The following ZFAND3 variants were observed in gnomAD, a reference collection of about 807,000 sequenced individuals.
The protein encoded by ZFAND3 is zinc finger AN1-type containing 3, also known as AN1-type zinc finger protein 3.
ZFAND3 carries 10 observed loss-of-function variants against 29.6 expected under a neutral mutation model. The observed-to-expected ratio is 0.34, with a 90% CI of 0.21 to 0.57. The LOEUF (loss-of-function observed/expected upper bound fraction) is 0.57. Ranked by LOEUF, ZFAND3 falls within the 20% of genes least tolerant of loss-of-function variation. The pLI is 0.86. For synonymous variants in ZFAND3, 128 were observed against 112.6 expected (o/e 1.14, Z -0.87); for missense variants, 230 against 304.5 (o/e 0.76, Z 1.82).
At chr6:37,945,520 C>G (rs551648178) in intron 2 of ZFAND3, among the ~76,000 whole-genome samples, 1 of 152,172 alleles carries the variant, frequency 6.6e-6, no homozygotes, top group Admixed American at 6.5e-5. Flanking sequence ...TTCAGCCTCC[C>G]TGCACCACCA....
intron 5 of ZFAND3, among the ~76,000 whole-genome samples, chr6:38,120,544 T>C (rs1765514251): frequency 6.6e-6 from 1 of 151,982 alleles, no homozygotes; most frequent in African/African-American, 2.4e-5. Flanking sequence ...CAGGCTGGTC[T>C]TGAACTCCTG....
intron 1 of ZFAND3, among the ~76,000 whole-genome samples, chr6:37,927,141 A>G (rs1415987404): frequency 1.3e-5 from 2 of 152,248 alleles, no homozygotes; most frequent in Non-Finnish European, 2.9e-5. Flanking sequence ...TTTAGGTAAT[A>G]CATAGGTATG....
intron 2 of ZFAND3, among the ~76,000 whole-genome samples, chr6:37,986,430 A>G (rs2127434250): frequency 6.6e-6 from 1 of 152,314 alleles, no homozygotes; most frequent in East Asian, 1.9e-4. Flanking sequence ...TGTTATAGGC[A>G]CCAGAAATTA....
chr6:37,952,717 C>T (rs1762019488), intron 2 of ZFAND3, among the ~76,000 whole-genome samples: 1 of 152,100 alleles, frequency 6.6e-6, no homozygotes, highest in South Asian at 2.1e-4. Context: ...TGGGCTACTT[C>T]TCACCAATTT....
intron 2 of ZFAND3, among the ~76,000 whole-genome samples, chr6:38,027,348 A>C (rs1222310932): frequency 1.3e-5 from 2 of 152,230 alleles, no homozygotes; most frequent in Non-Finnish European, 2.9e-5. Context: ...GATTTATGGA[A>C]TCTTTAAGGT....
chr6:37,866,037 G>A (rs1024001076), intron 1 of ZFAND3, among the ~76,000 whole-genome samples: 5 of 151,938 alleles, frequency 3.3e-5, no homozygotes, highest in Non-Finnish European at 7.4e-5. Context: ...ATATTGTCCC[G>A]GCTGGTCTCA....
Position 37,905,935 on chromosome 6 carries a change from A to G in ZFAND3, c.72-24024A>G, listed in dbSNP as rs142952701. On this transcript the variant is annotated intron_variant, in intron 1 of 5. Transcript: ENST00000287218. ...TTTTGACATACCTATAATATGATCT[A>G]TGGTATACATAAAAGCCAAAAGAGG... Among the ~76,000 whole-genome samples, 284 of 152,310 alleles carry G rather than the reference A, an allele frequency of 1.9e-3. 1 individual carries two copies. The highest frequency in any genetic ancestry group is 4.8e-3 in the Admixed American group (73 of 15,292).
At chr6:37,857,452 A>G (rs1764405657) in intron 1 of ZFAND3, among the ~76,000 whole-genome samples, 1 of 152,066 alleles carries the variant, frequency 6.6e-6, no homozygotes, top group African/African-American at 2.4e-5. Context: ...AAAAGTATCT[A>G]TTTTTAAAGA....
chr6:37,925,095 C>T (rs568150449), intron 1 of ZFAND3, among the ~76,000 whole-genome samples: 81 of 152,024 alleles, frequency 5.3e-4, no homozygotes, highest in Admixed American at 1.5e-3. Context: ...TAAAAACTTT[C>T]TCCAGGTAAA....
chr6:37,841,742 C>G (rs1244542863), intron 1 of ZFAND3, among the ~76,000 whole-genome samples: 2 of 152,330 alleles, frequency 1.3e-5, no homozygotes, highest in East Asian at 1.9e-4. Context: ...CTCGGCCCCC[C>G]AAAGCGCTGG....
intron 2 of ZFAND3, among the ~76,000 whole-genome samples, chr6:37,935,179 T>G (rs1037191538): frequency 6.6e-6 from 1 of 152,208 alleles, no homozygotes; most frequent in Admixed American, 6.5e-5. Flanking sequence ...CTTTGCATTT[T>G]GAAGTTGTGG....
chr6:37,951,436 C>CA (rs1326313175), intron 2 of ZFAND3, among the ~76,000 whole-genome samples: 1 of 151,692 alleles, frequency 6.6e-6, no homozygotes, highest in African/African-American at 2.4e-5. Flanking sequence ...ACTAAAAATA[C>CA]AAAAAAAATT....
At chr6:38,144,064 A>G (rs576983958) in intron 5 of ZFAND3, among the ~76,000 whole-genome samples, 3 of 151,206 alleles carry the variant, frequency 2.0e-5, no homozygotes, top group Admixed American at 2.0e-4. Flanking sequence ...CTTTACAACA[A>G]GCTTCCTTGT....
intron 2 of ZFAND3, among the ~76,000 whole-genome samples, chr6:37,977,839 C>CCTTCCTTCCTTCCTTCCTTCCTTCCTTA: frequency 8.3e-6 from 1 of 120,790 alleles, no homozygotes; most frequent in African/African-American, 3.4e-5. Flanking sequence ...TTCCTTCCTT[C>CCTTCCTTCCTTCCTTCCTTCCTTCCTTA]CTTCCTTCCT....
At chr6:37,856,585 TG>T (rs1411113276) in intron 1 of ZFAND3, among the ~76,000 whole-genome samples, 2 of 152,186 alleles carry the variant, frequency 1.3e-5, no homozygotes, top group African/African-American at 4.8e-5. Context: ...CACCTGTGTA[TG>T]GTTTGTATTT....
intron 1 of ZFAND3, among the ~76,000 whole-genome samples, chr6:37,823,527 A>C (rs1763704473): frequency 1.3e-5 from 2 of 152,270 alleles, no homozygotes; most frequent in African/African-American, 4.8e-5. Flanking sequence ...GCTCGGTTGA[A>C]TAGGAGAGCT....
At chr6:38,003,669 TTG>T in intron 2 of ZFAND3, 2 of 337,262 alleles carry the variant, frequency 5.9e-6, no homozygotes, top group Admixed American at 3.9e-5. Context: ...CAGCTAATTT[TTG>T]TGTTTTTTTT....
At position 38,154,378 on chromosome 6, in the gene ZFAND3, G is replaced by C; in HGVS notation, c.*1989G>C. The C allele has an allele frequency of 1.4e-6, 1 of 719,088 alleles. No homozygotes were observed. Among genetic ancestry groups the C allele is most frequent in the Non-Finnish European group, 1.7e-6 (1 of 587,396 alleles). 44.5% of individuals were successfully genotyped at this position (719,088 alleles called of 1,614,324 possible). On this transcript the variant is annotated 3_prime_UTR_variant, in exon 6 of 6. Coordinates refer to ENST00000287218, the MANE Select transcript of ZFAND3 (RefSeq NM_021943.3). ...TTCGCTTCCTGACTTAGAGCTGGGG[G>C]GGGTGGGGGGTGGGGCTTGTTCCCC...
At chr6:37,978,669 C>T (rs1016332967) in intron 2 of ZFAND3, among the ~76,000 whole-genome samples, 7 of 152,070 alleles carry the variant, frequency 4.6e-5, no homozygotes, top group Admixed American at 6.5e-5. Flanking sequence ...TCTTTTAGTG[C>T]GTTTGTCCAT....
Sources: gnomAD v4.1 joint callset for allele counts (sites outside exome capture counted in the v4.1 genomes callset) on GRCh38, gnomAD v4.1.1 for gene constraint, MANE v1.5 for transcripts, NCBI Gene and HGNC (gene_info 2026-07-23, HGNC 2026-07-21) for gene names.